Variants in MACROD2 observed in about 807,000 individuals in gnomAD.
MACROD2 encodes mono-ADP ribosylhydrolase 2.
A neutral mutation model predicts 70.4 loss-of-function variants in MACROD2; 36 were observed. The ratio of observed to expected loss-of-function variants is 0.51; its 90% CI spans 0.39 to 0.68. The LOEUF (loss-of-function observed/expected upper bound fraction) is 0.68, where lower values mean the gene tolerates loss of function less well. Ranked by LOEUF, MACROD2 falls within the 30% of genes least tolerant of loss-of-function variation. The pLI, the probability that MACROD2 is intolerant of heterozygous loss-of-function variation, is 0.00. For missense variants in MACROD2, 496 were observed against 538.4 expected (o/e 0.92, Z 0.78); for synonymous variants, 172 against 178.8 (o/e 0.96, Z 0.30).
intron 8 of MACROD2, among the ~76,000 whole-genome samples, chr20:15,607,440 A>T (rs2048908941): frequency 6.6e-6 from 1 of 152,210 alleles, no homozygotes; most frequent in African/African-American, 2.4e-5. Context: ...TGGCCATTTC[A>T]TCCTGCATCT....
At chr20:14,781,095 C>T (rs1186018123) in intron 5 of MACROD2, among the ~76,000 whole-genome samples, 1 of 151,944 alleles carries the variant, frequency 6.6e-6, no homozygotes, top group East Asian at 1.9e-4. Context: ...ATATACAATA[C>T]ATTACTATTG....
intron 8 of MACROD2, among the ~76,000 whole-genome samples, chr20:15,638,083 A>G (rs976888326): frequency 1.3e-5 from 2 of 152,052 alleles, no homozygotes; most frequent in African/African-American, 4.8e-5. Context: ...GTTCTAACTG[A>G]GCTCCCTTGG....
chr20:16,023,269 A>G (rs2067028320), intron 15 of MACROD2, among the ~76,000 whole-genome samples: 1 of 151,592 alleles, frequency 6.6e-6, no homozygotes, highest in Non-Finnish European at 1.5e-5. Context: ...AGGTCAGGAG[A>G]TCGAGACTGT....
chr20:14,725,151 C>T (rs1461301017), intron 5 of MACROD2, among the ~76,000 whole-genome samples: 1 of 151,982 alleles, frequency 6.6e-6, no homozygotes, highest in Admixed American at 6.6e-5. Context: ...GATGACAACA[C>T]CATTTCCTGA....
At chr20:15,775,717 G>T (rs1166258795) in intron 8 of MACROD2, among the ~76,000 whole-genome samples, 3 of 152,076 alleles carry the variant, frequency 2.0e-5, no homozygotes, top group Non-Finnish European at 4.4e-5. Flanking sequence ...GCGAGGGGAA[G>T]GTCAGCGAAT....
At chr20:14,045,919 C>G (rs1345223670) in intron 2 of MACROD2, among the ~76,000 whole-genome samples, 4 of 152,068 alleles carry the variant, frequency 2.6e-5, no homozygotes, top group African/African-American at 9.7e-5. Context: ...TTGAACTCAG[C>G]TGAACAGAGA....
At chr20:14,621,660 A>G (rs965307185) in intron 4 of MACROD2, 3 of 152,148 alleles carry the variant, frequency 2.0e-5, no homozygotes, top group Non-Finnish European at 4.4e-5. Context: ...AAGGATGAAA[A>G]CAAGTGAGGT....
intron 10 of MACROD2, among the ~76,000 whole-genome samples, chr20:15,927,882 A>G (rs1035878410): frequency 1.3e-5 from 2 of 152,168 alleles, no homozygotes; most frequent in Non-Finnish European, 2.9e-5. Context: ...AGGACTGAGA[A>G]AAATAGGTGT....
chr20:14,253,734 G>A (rs960572924), intron 3 of MACROD2, among the ~76,000 whole-genome samples: 1 of 152,048 alleles, frequency 6.6e-6, no homozygotes, highest in Non-Finnish European at 1.5e-5. Context: ...TTGAAATTCT[G>A]TGTGTTTTCT....
chr20:14,299,420 A>G (rs1187962937), intron 3 of MACROD2, among the ~76,000 whole-genome samples: 1 of 152,138 alleles, frequency 6.6e-6, no homozygotes, highest in South Asian at 2.1e-4. Flanking sequence ...AACGTGACCC[A>G]CTTTATTGGC....
intron 3 of MACROD2, among the ~76,000 whole-genome samples, chr20:14,249,491 C>G (rs1008140274): frequency 2.0e-5 from 3 of 151,838 alleles, no homozygotes; most frequent in Non-Finnish European, 4.4e-5. Flanking sequence ...TTGGTTCTGC[C>G]TGCATAGTTG....
chr20:14,069,450 T>C (rs1367266033), intron 2 of MACROD2, among the ~76,000 whole-genome samples: 1 of 151,894 alleles, frequency 6.6e-6, no homozygotes, highest in Non-Finnish European at 1.5e-5. Context: ...AGTATATTTG[T>C]ATATATTTAT....
chr20:14,072,584 C>A lies in MACROD2; in HGVS notation c.164-13037C>A, dbSNP rs114564404. Among the ~76,000 whole-genome samples, 677 of 152,184 alleles carry A rather than the reference C, an allele frequency of 4.4e-3. 4 individuals are homozygous for A. Among genetic ancestry groups the A allele is most frequent in the African/African-American group, 0.016 (644 of 41,516 alleles). ...ATTGAGGGAATAGTAGTAATATGTA[C>A]TATATATGTATGTTTGTTATGAGAA... On this transcript the variant is annotated intron_variant, in intron 2 of 17. Transcript: ENST00000684519.
chr20:15,744,832 T>A (rs1054564293), intron 8 of MACROD2, among the ~76,000 whole-genome samples: 3 of 152,148 alleles, frequency 2.0e-5, no homozygotes, highest in African/African-American at 7.2e-5. Flanking sequence ...TTTTTTAAAA[T>A]TTTTTATTTA....
intron 7 of MACROD2, among the ~76,000 whole-genome samples, chr20:15,463,267 G>A (rs1043881694): frequency 1.6e-4 from 24 of 152,186 alleles, no homozygotes; most frequent in South Asian, 2.1e-4. Context: ...GCTAGTTTGG[G>A]TTCAGAGCAA....
intron 8 of MACROD2, among the ~76,000 whole-genome samples, chr20:15,585,766 C>T (rs1322201238): frequency 4.1e-5 from 1 of 24,438 alleles, no homozygotes; most frequent in Non-Finnish European, 7.4e-5. Context: ...TTCACTGCCT[C>T]ATTTTTTTTT....
rs535664401 is a variant in MACROD2, at chr20:15,186,449, T to C, written c.419-43491T>C. ...AAAATATCAGTGTGTGTGGGTCTTG[T>C]CTTCATAATTGAATTCTAGGCTCCA... On this transcript the variant is annotated intron_variant, in intron 5 of 17. Coordinates refer to ENST00000684519, the MANE Select transcript of MACROD2 (RefSeq NM_001351661.2). 3.3e-5 allele frequency among the ~76,000 whole-genome samples: 5 copies of C among 152,272 alleles called. No homozygotes were observed. In the East Asian group the frequency reaches 9.7e-4, roughly 29 times the overall value.
chr20:14,872,734 G>C (rs2073502973), intron 5 of MACROD2, among the ~76,000 whole-genome samples: 1 of 152,040 alleles, frequency 6.6e-6, no homozygotes, highest in Non-Finnish European at 1.5e-5. Context: ...TCATCACTAA[G>C]TGACTTAGTT....
At chr20:15,264,936 C>T (rs1261937812) in intron 6 of MACROD2, among the ~76,000 whole-genome samples, 1 of 152,112 alleles carries the variant, frequency 6.6e-6, no homozygotes. Flanking sequence ...AGATCTGAGG[C>T]TGCTTCTTTA....
Sources: allele counts gnomAD v4.1 joint callset (sites outside exome capture counted in the v4.1 genomes callset), GRCh38; gene constraint gnomAD v4.1.1; transcripts MANE v1.5; gene names NCBI Gene and HGNC (gene_info 2026-07-23, HGNC 2026-07-21).